The following EPHA7 variants were observed in gnomAD, a reference collection of about 807,000 sequenced individuals.
EPHA7 encodes the protein ephrin type-A receptor 7.
In EPHA7, 25 loss-of-function variants were observed where a neutral mutation model predicts 112.6. The ratio of observed to expected loss-of-function variants is 0.22; its 90% CI spans 0.16 to 0.31. The LOEUF (loss-of-function observed/expected upper bound fraction) is 0.31, where lower values mean the gene tolerates loss of function less well. EPHA7 is among the 10% of genes least tolerant of loss of function. The pLI, the probability that EPHA7 is intolerant of heterozygous loss-of-function variation, is 1.00. For synonymous variants in EPHA7, 437 were observed against 406.5 expected, an observed-to-expected ratio of 1.07 and a Z score of -0.90; for missense variants, 962 against 1,212.6, an observed-to-expected ratio of 0.79 and a Z score of 3.07.
At chr6:93,264,021 C>A in intron 8 of EPHA7, 106 bp from the exon 9 acceptor site, 1 of 734,966 alleles carries the variant, frequency 1.4e-6, no homozygotes, top group Non-Finnish European at 2.2e-6. Flanking sequence ...GTTAAATTTA[C>A]TGTTCATAGT....
intron 5 of EPHA7, among the ~76,000 whole-genome samples, chr6:93,282,077 A>G (rs763154921): frequency 1.1e-4 from 16 of 152,128 alleles, no homozygotes; most frequent in Non-Finnish European, 1.6e-4. Flanking sequence ...TAACGTTGTC[A>G]TGTACATAAT....
intron 5 of EPHA7, among the ~76,000 whole-genome samples, chr6:93,325,833 G>T (rs1053097381): frequency 6.6e-6 from 1 of 151,202 alleles, no homozygotes; most frequent in African/African-American, 2.4e-5. Context: ...TTTCAATAAA[G>T]AAAACTTGCT....
chr6:93,349,014 A>G (rs1170341441), intron 5 of EPHA7, among the ~76,000 whole-genome samples: 2 of 151,816 alleles, frequency 1.3e-5, no homozygotes, highest in African/African-American at 4.8e-5. Context: ...TTAAACTTAC[A>G]TGATAAATTC....
At chr6:93,309,970 A>G (rs1240030726) in intron 5 of EPHA7, among the ~76,000 whole-genome samples, 1 of 152,192 alleles carries the variant, frequency 6.6e-6, no homozygotes, top group African/African-American at 2.4e-5. Context: ...GTGGATTTTA[A>G]TCACTTTAGT....
rs139204558 is a variant in EPHA7, at chr6:93,385,602, A to G, written c.832+24899T>C. On this transcript the variant is annotated intron_variant, in intron 3 of 16. Transcript: ENST00000369303. ...TGCACCCCACTTATTAATGAGACTGAAGAATGAGACAATGATGGGTAATTT... is the reference window on the plus strand; with the variant it reads ...TGCACCCCACTTATTAATGAGACTGGAGAATGAGACAATGATGGGTAATTT... Among the ~76,000 whole-genome samples the G allele has an allele frequency of 1.6e-4, 25 of 152,162 alleles. No homozygotes were observed. In the East Asian group the frequency reaches 3.3e-3, roughly 20 times the overall value.
At chr6:93,402,076 C>G (rs778879598) in intron 3 of EPHA7, among the ~76,000 whole-genome samples, 6 of 151,974 alleles carry the variant, frequency 3.9e-5, no homozygotes, top group Non-Finnish European at 8.8e-5. Flanking sequence ...TGACCATATA[C>G]TTCCCAATGC....
At chr6:93,417,757 C>G (rs1779312930) in intron 1 of EPHA7, among the ~76,000 whole-genome samples, 1 of 152,002 alleles carries the variant, frequency 6.6e-6, no homozygotes, top group African/African-American at 2.4e-5. Flanking sequence ...GATGAGCGTG[C>G]GTTTCTAGCA....
At chr6:93,387,947 AT>A (rs1777703331) in intron 3 of EPHA7, among the ~76,000 whole-genome samples, 1 of 151,956 alleles carries the variant, frequency 6.6e-6, no homozygotes, top group African/African-American at 2.4e-5. Context: ...AGATAGATAG[AT>A]AGATAGATAG....
chr6:93,414,624 G>T, intron 2 of EPHA7, 79 bp downstream of exon 2: 1 of 1,075,812 alleles, frequency 9.3e-7, no homozygotes, highest in Non-Finnish European at 1.4e-6. Context: ...TGAAGAGTGT[G>T]AATAATTACC....
intron 5 of EPHA7, among the ~76,000 whole-genome samples, chr6:93,291,026 C>G (rs930522798): frequency 1.3e-5 from 2 of 152,044 alleles, no homozygotes; most frequent in African/African-American, 4.8e-5. Flanking sequence ...TTACTATTTG[C>G]AAATCACTGA....
At chr6:93,379,375 G>C (rs1283718232) in intron 3 of EPHA7, among the ~76,000 whole-genome samples, 1 of 151,750 alleles carries the variant, frequency 6.6e-6, no homozygotes, top group African/African-American at 2.4e-5. Flanking sequence ...ATTATAGTTG[G>C]GCATTTTGCT....
At chr6:93,325,655 T>G (rs1478032901) in intron 5 of EPHA7, among the ~76,000 whole-genome samples, 1 of 151,138 alleles carries the variant, frequency 6.6e-6, no homozygotes, top group East Asian at 1.9e-4. Flanking sequence ...GAACCACCAC[T>G]TTTCTTGGTA....
At chr6:93,316,414 G>C (rs1241190266) in intron 5 of EPHA7, among the ~76,000 whole-genome samples, 1 of 152,026 alleles carries the variant, frequency 6.6e-6, no homozygotes, top group Non-Finnish European at 1.5e-5. Context: ...AAATATTTAG[G>C]AGTTTTCCCT....
intron 5 of EPHA7, among the ~76,000 whole-genome samples, chr6:93,296,454 A>AAT (rs1162769279): frequency 1.3e-3 from 109 of 85,148 alleles, no homozygotes; most frequent in Non-Finnish European, 2.3e-3. Flanking sequence ...TATATATATA[A>AAT]ATATATATAT....
At chr6:93,257,963 G>A in intron 11 of EPHA7, 136 bp downstream of exon 11, 12 of 783,810 alleles carry the variant, frequency 1.5e-5, no homozygotes, top group Non-Finnish European at 2.3e-5. Context: ...AGAATTTTTT[G>A]ATTAGTTACA....
chr6:93,255,828 A>G lies in EPHA7; in HGVS notation c.2382T>C (p.Thr794=). The change falls in exon 13 of 17, where the codon ACT becomes ACC. Residue 794 remains threonine (T), a splice_region_variant and synonymous_variant. Transcript: ENST00000369303. ...AGTGCAGTAAATGACTTTTTCTTAC[A>G]GTAGTTGTATAGACAGCTTCTGGAT... ...EDDPEAVYTT[T]GGKIPVRWTA... 2.5e-6 allele frequency: 4 copies of G among 1,612,760 alleles called. No homozygotes were observed. Among genetic ancestry groups the G allele is most frequent in the Non-Finnish European group, 1.7e-6 (2 of 1,178,882 alleles).
intron 14 of EPHA7, among the ~76,000 whole-genome samples, chr6:93,254,281 A>G (rs1188449911): frequency 6.6e-6 from 1 of 152,146 alleles, no homozygotes; most frequent in Non-Finnish European, 1.5e-5. Context: ...AAGACAAAAC[A>G]AAGCACAACC....
intron 8 of EPHA7, 91 bp from the exon 9 acceptor site, chr6:93,264,006 C>A: frequency 1.1e-6 from 1 of 877,522 alleles, no homozygotes; most frequent in South Asian, 1.9e-5. Flanking sequence ...CAACAACTTA[C>A]TAGAGTTAAA....
chr6:93,275,253 ATGT>A (rs1313458592), intron 5 of EPHA7, among the ~76,000 whole-genome samples: 1 of 151,830 alleles, frequency 6.6e-6, no homozygotes. Flanking sequence ...GAAATTAGAC[ATGT>A]TGTAATTGGA....
Sources: gnomAD v4.1 joint callset for allele counts (sites outside exome capture counted in the v4.1 genomes callset) on GRCh38, gnomAD v4.1.1 for gene constraint, MANE v1.5 for transcripts, NCBI Gene and HGNC (gene_info 2026-07-23, HGNC 2026-07-21) for gene names.